Variants in BICDL2 observed in about 807,000 individuals in gnomAD.
BICDL2 encodes the protein BICD family like cargo adaptor 2, also known as BICD family-like cargo adapter 2.
BICDL2 carries 62 observed loss-of-function variants against 56.6 expected under a neutral mutation model. The ratio of observed to expected loss-of-function variants is 1.10; its 90% CI spans 0.89 to 1.35. The LOEUF is 1.35. BICDL2 is among the 40% of genes most tolerant of loss of function. The pLI is 0.00. For synonymous variants in BICDL2, 358 were observed against 319.8 expected, an observed-to-expected ratio of 1.12 and a Z score of -1.27; for missense variants, 808 against 684.5, an observed-to-expected ratio of 1.18 and a Z score of -2.01.
rs1955576105 is a variant in BICDL2 at position 3,028,166 on chromosome 16, C to G, written c.1467G>C (p.Ser489=). ...CGGCGGGCCCGGGGCCCAGGCGCAG[C>G]GAGAAGCGGGGCGCGGCACGGCGCG... is the stretch of plus-strand genomic sequence containing the variant. ...STPRRAAPRF[S]LRLGPGPAGG... Residue 489 remains serine (S), a synonymous_variant, in exon 10 of 10, where the codon TCG becomes TCC. Coordinates refer to ENST00000572449, the MANE Select transcript of BICDL2 (RefSeq NM_001369667.1). 4.1e-6 allele frequency: 6 copies of G among 1,448,992 alleles called. No homozygotes were observed. In the African/African-American group the frequency reaches 7.5e-5, roughly 18 times the overall value. 89.8% of individuals were successfully genotyped at this position (1,448,992 alleles called of 1,614,324 possible).
At chr16:3,030,273 G>T in intron 5 of BICDL2, 176 bp downstream of exon 5, 1 of 771,946 alleles carries the variant, frequency 1.3e-6, no homozygotes, top group Non-Finnish European at 2.0e-6. Flanking sequence ...CTAAGAGCAT[G>T]CCTCACCTGC....
At position 3,029,585 on chromosome 16, in the gene BICDL2, C is replaced by G; in HGVS notation, c.917G>C (p.Gly306Ala). Residue 306 changes from glycine (G) to alanine (A), a missense_variant, in exon 6 of 10, where the codon GGC (glycine) becomes GCC (alanine). Physicochemically the swap from Gly to Ala is moderately conservative, Grantham distance 60 (BLOSUM62 0). Transcript: ENST00000572449. ...TGCGTCGGCGCCCTGGCCCTGGTCG[C>G]CGTCGTCGAGGCTGTGGGCCAGTTC... ...QSELAHSLDD[G>A]DQGQGADAPG... The G allele has an allele frequency of 6.5e-7, 1 of 1,544,198 alleles. No individual in the cohort carries two copies. Among genetic ancestry groups the G allele is most frequent in the Non-Finnish European group, 8.7e-7 (1 of 1,148,786 alleles).
chr16:3,028,496 T>C, intron 8 of BICDL2, 28 bp from the exon 9 acceptor site: 2 of 1,568,840 alleles, frequency 1.3e-6, no homozygotes, highest in Non-Finnish European at 8.6e-7. Flanking sequence ...GAAGACGCGT[T>C]TGAGGGCGCT....
Position 3,029,572 on chromosome 16 carries a change from C to A in BICDL2, c.930G>T (p.Gln310His). 6 of 1,546,550 alleles carry A rather than the reference C, an allele frequency of 3.9e-6. No individual in the cohort carries two copies. Among genetic ancestry groups the A allele is most frequent in the Non-Finnish European group, 5.2e-6 (6 of 1,150,274 alleles). ...AHSLDDGDQG[Q>H]GADAPGDTPT... Reference sequence around the variant, plus strand: ...GGGTGTCTCCGGGTGCGTCGGCGCCCTGGCCCTGGTCGCCGTCGTCGAGGC... The same window carrying A: ...GGGTGTCTCCGGGTGCGTCGGCGCCATGGCCCTGGTCGCCGTCGTCGAGGC... Residue 310 changes from glutamine (Q) to histidine (H), a missense_variant, in exon 6 of 10, where the codon CAG becomes CAT. Physicochemically the swap from Gln to His is conservative, Grantham distance 24 (BLOSUM62 0). Coordinates refer to ENST00000572449, the MANE Select transcript of BICDL2 (RefSeq NM_001369667.1).
In BICDL2 at chr16:3,028,575, G is replaced by A. The variant is rs927377772; in HGVS notation, c.1239-107C>T. ...GCGGGAGGAGGGCTGCAAACACCTA[G>A]ATCAAGGAGGTCAGGGGGCCCCTGG... is the stretch of plus-strand genomic sequence containing the variant. On this transcript the variant is annotated intron_variant, in intron 8 of 9. Transcript: ENST00000572449. 5.9e-6 allele frequency: 9 copies of A among 1,527,548 alleles called. No individual in the cohort carries two copies. The South Asian group carries it at 1.1e-4, about 19-fold the overall frequency. 94.6% of individuals were successfully genotyped at this position (1,527,548 alleles called of 1,614,324 possible). A position where few individuals can be genotyped will look rare whatever the true frequency, so the allele number is the denominator to read the frequency against.
At chr16:3,036,762 C>G (rs766085485) in intron 1 of BICDL2, 132 bp downstream of exon 1, 1 of 367,650 alleles carries the variant, frequency 2.7e-6, no homozygotes, top group South Asian at 1.9e-5. Context: ...TTCCTGCCGG[C>G]GCCCCCGGTT....
intron 2 of BICDL2, 161 bp downstream of exon 2, chr16:3,035,054 A>C: frequency 1.5e-6 from 1 of 676,432 alleles, no homozygotes. Flanking sequence ...TGCCAGGGGG[A>C]CTGGGCCCAG....
chr16:3,029,630 G>C lies in BICDL2; in HGVS notation c.872C>G (p.Ser291Trp). The change falls in exon 6 of 10, where the codon TCG (serine) becomes TGG (tryptophan). Residue 291 changes from serine to tryptophan, a missense_variant. Coordinates refer to ENST00000572449, the MANE Select transcript of BICDL2 (RefSeq NM_001369667.1). ...CAGTTCTGACTGCAACGAGGCAGCC[G>C]ACACGTCGGCGTCCTGGAGGCGTGA... is the stretch of plus-strand genomic sequence containing the variant. ...EESRLQDADV[S>W]AASLQSELAH... The C allele has an allele frequency of 6.5e-7, 1 of 1,536,562 alleles. No homozygotes were observed. Among genetic ancestry groups the C allele is most frequent in the Non-Finnish European group, 8.7e-7 (1 of 1,145,636 alleles).
chr16:3,036,449 A>T (rs1178037872), intron 1 of BICDL2: 1 of 455,982 alleles, frequency 2.2e-6, no homozygotes, highest in South Asian at 1.5e-5. Flanking sequence ...CCGGGGGCTC[A>T]CCACCCACTA....
rs1253825940 is a variant in BICDL2, at chr16:3,028,130, GAGAA to G, written c.1499_1502del (p.Phe500SerfsTer42). ...GTCAGGTCCTTCGGAAGAGGTTACT[GAGAA>G]AGCCACCGGCGGGCCCGGGGCCCAG... On this transcript the variant is annotated frameshift_variant, in exon 10 of 10. Transcript: ENST00000572449. LOFTEE classifies it high-confidence loss of function. The G allele has an allele frequency of 6.9e-7, 1 of 1,443,146 alleles. No individual in the cohort carries two copies. The highest frequency in any genetic ancestry group is 1.5e-5 in the African/African-American group (1 of 66,686). 89.4% of individuals were successfully genotyped at this position (1,443,146 alleles called of 1,614,324 possible). A position where few individuals can be genotyped will look rare whatever the true frequency, so the allele number is the denominator to read the frequency against.
chr16:3,029,352 CT>C lies in BICDL2; in HGVS notation c.1034del (p.Lys345ArgfsTer67). 1.2e-6 allele frequency: 2 copies of C among 1,610,640 alleles called. No individual in the cohort carries two copies. Among genetic ancestry groups the C allele is most frequent in the East Asian group, 2.2e-5 (1 of 44,794 alleles). On this transcript the variant is annotated frameshift_variant, in exon 7 of 10. Coordinates refer to ENST00000572449, the MANE Select transcript of BICDL2 (RefSeq NM_001369667.1). LOFTEE classifies it high-confidence loss of function. ...CCGCTGGACTGAGGGATGTTCGCTTCTTGGGGGGCTCTAAGATCTCTTCCGG... is the reference window on the plus strand; with the variant it reads ...CCGCTGGACTGAGGGATGTTCGCTTCTGGGGGGCTCTAAGATCTCTTCCGG... ...SPPEEILEPP[K>X]KRTSLSPAEI...
chr16:3,030,617 G>A (rs1955638670), intron 4 of BICDL2, 22 bp from the exon 5 acceptor site: 1 of 1,595,740 alleles, frequency 6.3e-7, no homozygotes, highest in African/African-American at 1.3e-5. Flanking sequence ...CCTGAGAGCT[G>A]GGGACAGGGG....
At position 3,028,112 on chromosome 16, in the gene BICDL2, C is replaced by A; in HGVS notation, c.1521G>T (p.Arg507Ser). ...AGGFLSNLFR[R>S]T ...AGCCCTCTGGGCCCAGCCGTCAGGT[C>A]CTTCGGAAGAGGTTACTGAGAAAGC... The change falls in exon 10 of 10, where the codon AGG becomes AGT. Residue 507 changes from arginine to serine, a missense_variant. Transcript: ENST00000572449. 7.0e-7 allele frequency: 1 copy of A among 1,428,214 alleles called. No homozygotes were observed. Among genetic ancestry groups the A allele is most frequent in the Non-Finnish European group, 9.1e-7 (1 of 1,096,616 alleles). The allele number at this position is 1,428,214 out of a possible 1,614,324, so 88.5% of individuals were successfully genotyped here.
intron 3 of BICDL2, 48 bp downstream of exon 3, chr16:3,030,887 G>A: frequency 1.3e-6 from 2 of 1,544,156 alleles, no homozygotes; most frequent in Non-Finnish European, 1.7e-6. Context: ...GGGGACCCAG[G>A]CATCCTCCCC....
rs56382043 is a variant in BICDL2 at position 3,027,709 on chromosome 16, CTTTTTT to C, written c.*391_*396del. The C allele has an allele frequency of 3.4e-5, 46 of 1,350,348 alleles. No homozygotes were observed. The highest frequency in any genetic ancestry group is 8.5e-5 in the South Asian group (6 of 70,380). 83.6% of individuals were successfully genotyped at this position (1,350,348 alleles called of 1,614,324 possible). A position where few individuals can be genotyped will look rare whatever the true frequency, so the allele number is the denominator to read the frequency against. On this transcript the variant is annotated 3_prime_UTR_variant, in exon 10 of 10. Coordinates refer to ENST00000572449, the MANE Select transcript of BICDL2 (RefSeq NM_001369667.1). ...AGGGTTTTAGAGTGTTTTTCATTTT[CTTTTTT>C]TTTTTTTTTTTACAATAAAGTTTCA... is the stretch of plus-strand genomic sequence containing the variant.
rs772722267 is a variant in BICDL2, at chr16:3,028,353, A to T, written c.1354T>A (p.Trp452Arg). Reference protein sequence around the residue: ...KVALTQELEAWQDDMQVVIGQ... With the variant: ...KVALTQELEARQDDMQVVIGQ... ...ACACGGGCCCCGCCCCTCACCTGCC[A>T]GGCCTCCAGCTCCTGCGTGAGCGCC... Residue 452 changes from tryptophan (W) to arginine (R), a missense_variant, in exon 9 of 10, where the codon TGG (tryptophan) becomes AGG (arginine). By Grantham distance (101) the Trp-to-Arg change is moderately radical (BLOSUM62 -3). Transcript: ENST00000572449. 52 of 1,546,758 alleles carry T rather than the reference A, an allele frequency of 3.4e-5. No individual in the cohort carries two copies. Among genetic ancestry groups the T allele is most frequent in the Non-Finnish European group, 4.3e-5 (50 of 1,153,938 alleles).
chr16:3,028,228 G>A lies in BICDL2; in HGVS notation c.1405C>T (p.Gln469Ter). Residue 469 changes from glutamine to a stop codon, truncating the protein, a stop_gained, in exon 10 of 10, where the codon CAG (glutamine) becomes TAG (stop). Coordinates refer to ENST00000572449, the MANE Select transcript of BICDL2 (RefSeq NM_001369667.1). LOFTEE classifies it low-confidence loss of function (END_TRUNC). ...VIGQQLRSQRQKELSASASSS... is the reference protein window; with the variant it reads ...VIGQQLRSQR Reference sequence around the variant, plus strand: ...GACGCGGAGGCGCTCAGCTCCTTCTGGCGCTGTGAGCGCAGCTGCTGCCCG... The same window carrying A: ...GACGCGGAGGCGCTCAGCTCCTTCTAGCGCTGTGAGCGCAGCTGCTGCCCG... The A allele has an allele frequency of 1.4e-6, 2 of 1,472,974 alleles. No homozygotes were observed. Among genetic ancestry groups the A allele is most frequent in the Non-Finnish European group, 1.8e-6 (2 of 1,123,484 alleles). 91.2% of individuals were successfully genotyped at this position (1,472,974 alleles called of 1,614,324 possible).
At chr16:3,035,025 C>A in intron 2 of BICDL2, 190 bp downstream of exon 2, 1 of 614,386 alleles carries the variant, frequency 1.6e-6, no homozygotes, top group East Asian at 2.8e-5. Flanking sequence ...AGTTCATGTT[C>A]TTTGCCACTG....
Position 3,035,531 on chromosome 16 carries a change from G to C in BICDL2, c.-30-5C>G. 1 of 1,582,784 alleles carries C rather than the reference G, an allele frequency of 6.3e-7. No homozygotes were observed. The highest frequency in any genetic ancestry group is 8.6e-7 in the Non-Finnish European group (1 of 1,166,614). On this transcript the variant is annotated splice_polypyrimidine_tract_variant and splice_region_variant and intron_variant, in intron 1 of 9. Coordinates refer to ENST00000572449, the MANE Select transcript of BICDL2 (RefSeq NM_001369667.1). Reference sequence around the variant, plus strand: ...AGCATCTGCGGGGACAGGTGGCTGCGGGACACTCTACTCTGCAGCCTGACA... The same window carrying C: ...AGCATCTGCGGGGACAGGTGGCTGCCGGACACTCTACTCTGCAGCCTGACA...
Sources: gnomAD v4.1 joint callset for allele counts on GRCh38, gnomAD v4.1.1 for gene constraint, MANE v1.5 for transcripts, NCBI Gene and HGNC (gene_info 2026-07-23, HGNC 2026-07-21) for gene names.